DOCK5: variants seen among roughly 807,000 people sequenced by gnomAD.
The protein encoded by DOCK5 is dedicator of cytokinesis 5, also known as dedicator of cytokinesis protein 5.
A neutral mutation model predicts 251.8 loss-of-function variants in DOCK5; 142 were observed. The observed-to-expected ratio is 0.56, with a 90% CI of 0.49 to 0.65. The LOEUF is 0.65. Ranked by LOEUF, DOCK5 falls within the 30% of genes least tolerant of loss-of-function variation. The pLI is 0.00. For synonymous variants in DOCK5, 842 were observed against 835.5 expected (o/e 1.01, Z -0.13); for missense variants, 2,111 against 2,312.3 (o/e 0.91, Z 1.79).
chr8:25,373,965 G>A (rs1490959566), intron 36 of DOCK5, among the ~76,000 whole-genome samples: 1 of 152,174 alleles, frequency 6.6e-6, no homozygotes, highest in Admixed American at 6.5e-5. Flanking sequence ...GTCTTAGCTT[G>A]AAGTCTGCGA....
intron 6 of DOCK5, among the ~76,000 whole-genome samples, chr8:25,295,357 T>A (rs1219060945): frequency 6.6e-6 from 1 of 151,456 alleles, no homozygotes; most frequent in Non-Finnish European, 1.5e-5. Context: ...CAGGGACTGC[T>A]TGAGCCCAGG....
chr8:25,349,245 C>A (rs185923278), intron 26 of DOCK5, among the ~76,000 whole-genome samples: 1 of 152,134 alleles, frequency 6.6e-6, no homozygotes, highest in African/African-American at 2.4e-5. Context: ...AACATTGTTA[C>A]ACTGCTGGGG....
chr8:25,343,441 C>T (rs999235038), intron 25 of DOCK5, among the ~76,000 whole-genome samples: 6 of 152,098 alleles, frequency 3.9e-5, no homozygotes, highest in African/African-American at 1.4e-4. Flanking sequence ...AAAGTCAGCT[C>T]GGTATTTCCA....
At position 25,377,345 on chromosome 8, in the gene DOCK5, A is replaced by C; in HGVS notation, c.3857A>C (p.Asp1286Ala). ...KPCVPHLLQKDSYYVYTQQEL... is the reference protein window; with the variant it reads ...KPCVPHLLQKASYYVYTQQEL... Reference sequence around the variant, plus strand: ...TGTGTGCCTCATTTGCTTCAGAAGGACAGTTACTATGTTTATACCCAGCAA... The same window carrying C: ...TGTGTGCCTCATTTGCTTCAGAAGGCCAGTTACTATGTTTATACCCAGCAA... The change falls in exon 38 of 52, where the codon GAC becomes GCC. Residue 1286 changes from aspartate to alanine, a missense_variant. Coordinates refer to ENST00000276440, the MANE Select transcript of DOCK5 (RefSeq NM_024940.8). The C allele has an allele frequency of 6.2e-7, 1 of 1,613,622 alleles. No individual in the cohort carries two copies. The highest frequency in any genetic ancestry group is 1.1e-5 in the South Asian group (1 of 91,066).
At chr8:25,242,789 C>T (rs1802988571) in intron 1 of DOCK5, among the ~76,000 whole-genome samples, 1 of 152,176 alleles carries the variant, frequency 6.6e-6, no homozygotes. Context: ...AACCCAGTTG[C>T]CCAGGGTGCC....
Position 25,289,262 on chromosome 8 carries a change from G to A in DOCK5, c.322-2762G>A, listed in dbSNP as rs1804421638. Among the ~76,000 whole-genome samples, 3 of 152,140 alleles carry A rather than the reference G, an allele frequency of 2.0e-5. No individual in the cohort carries two copies. In the South Asian group the frequency reaches 6.2e-4, roughly 32 times the overall value. ...ACATCACTAGAGAATATTGTGTGCTGTCAACATCTCTCTCTGTGTGTGCAT... is the reference window on the plus strand; with the variant it reads ...ACATCACTAGAGAATATTGTGTGCTATCAACATCTCTCTCTGTGTGTGCAT... On this transcript the variant is annotated intron_variant, in intron 5 of 51. Coordinates refer to ENST00000276440, the MANE Select transcript of DOCK5 (RefSeq NM_024940.8).
intron 1 of DOCK5, among the ~76,000 whole-genome samples, chr8:25,214,260 G>A (rs1019466332): frequency 2.0e-5 from 3 of 152,140 alleles, no homozygotes; most frequent in Admixed American, 1.3e-4. Flanking sequence ...TTTAGAGAAC[G>A]AATTCTCTGC....
intron 26 of DOCK5, among the ~76,000 whole-genome samples, chr8:25,346,589 G>A (rs1395774430): frequency 1.0e-5 from 1 of 97,734 alleles, no homozygotes; most frequent in East Asian, 3.4e-4. Context: ...ACTTTGGGAG[G>A]CCGAGGTGGA....
chr8:25,374,743 A>T, intron 37 of DOCK5, 89 bp downstream of exon 37: 1 of 1,609,902 alleles, frequency 6.2e-7, no homozygotes, highest in South Asian at 1.1e-5. Flanking sequence ...TTGATGGGAA[A>T]GAACTTTATT....
chr8:25,413,312 G>C lies in DOCK5; in HGVS notation c.*2014G>C, dbSNP rs1214303136. On this transcript the variant is annotated 3_prime_UTR_variant, in exon 52 of 52. Transcript: ENST00000276440. ...TTCCAAGGTAGTTTGGAATGTGAGTGCAAGTTAGTTCTGCACATACAGCCC... is the reference window on the plus strand; with the variant it reads ...TTCCAAGGTAGTTTGGAATGTGAGTCCAAGTTAGTTCTGCACATACAGCCC... 2 of 152,168 alleles carry C rather than the reference G, an allele frequency of 1.3e-5. No individual in the cohort carries two copies. Among genetic ancestry groups the C allele is most frequent in the African/African-American group, 2.4e-5 (1 of 41,440 alleles). The allele number at this position is 152,168 out of a possible 1,614,324, so 9.4% of individuals were successfully genotyped here.
chr8:25,389,116 A>G lies in DOCK5; in HGVS notation c.4157A>G (p.Lys1386Arg). ...LRNKIFIYRG[K>R]EYERREDFSL... ...AATAAAATCTTCATCTATCGGGGAA[A>G]GGAGTATGAGAGGCGAGAGGACTTC... Residue 1386 changes from lysine to arginine, a missense_variant, in exon 41 of 52, where the codon AAG (lysine) becomes AGG (arginine). This residue lies in a region of DOCK5 where 1,717 missense variants were observed against 1,892.4 expected (regional missense o/e 0.91). Transcript: ENST00000276440. The G allele has an allele frequency of 6.2e-7, 1 of 1,613,960 alleles. No individual in the cohort carries two copies. Among genetic ancestry groups the G allele is most frequent in the Non-Finnish European group, 8.5e-7 (1 of 1,179,870 alleles).
At chr8:25,308,730 CAG>C (rs1187940025) in intron 11 of DOCK5, 51 bp from the exon 12 acceptor site, 4 of 1,598,854 alleles carry the variant, frequency 2.5e-6, no homozygotes, top group Non-Finnish European at 2.6e-6. Flanking sequence ...GGTTGTGCTG[CAG>C]AGACTTCCTT....
intron 42 of DOCK5, among the ~76,000 whole-genome samples, chr8:25,391,137 C>T (rs887102364): frequency 6.6e-6 from 1 of 152,010 alleles, no homozygotes; most frequent in Non-Finnish European, 1.5e-5. Context: ...AACTCCTGGG[C>T]TCAAGAGACC....
chr8:25,384,809 T>C (rs1239269021), intron 40 of DOCK5, among the ~76,000 whole-genome samples: 1 of 151,994 alleles, frequency 6.6e-6, no homozygotes, highest in Admixed American at 6.6e-5. Context: ...GGCTCACACC[T>C]GTAATCCCAG....
intron 10 of DOCK5, among the ~76,000 whole-genome samples, chr8:25,302,865 A>G (rs1332847360): frequency 6.6e-6 from 1 of 152,222 alleles, no homozygotes; most frequent in Non-Finnish European, 1.5e-5. Context: ...AGAGTAGTCA[A>G]ATTCTCAGAG....
intron 1 of DOCK5, among the ~76,000 whole-genome samples, chr8:25,223,645 G>T (rs1187787575): frequency 6.6e-6 from 1 of 152,110 alleles, no homozygotes; most frequent in Non-Finnish European, 1.5e-5. Context: ...CACCAACAAT[G>T]GGCATAAAAA....
intron 26 of DOCK5, 85 bp downstream of exon 26, chr8:25,345,696 C>T: frequency 6.4e-7 from 1 of 1,550,796 alleles, no homozygotes; most frequent in Non-Finnish European, 8.8e-7. Context: ...CCTTCCTATT[C>T]TCAGGTAGTT....
At chr8:25,259,755 C>G (rs1217173741) in intron 2 of DOCK5, among the ~76,000 whole-genome samples, 1 of 152,194 alleles carries the variant, frequency 6.6e-6, no homozygotes, top group Non-Finnish European at 1.5e-5. Flanking sequence ...GCCACCGCAC[C>G]TGGCCTCCTT....
At chr8:25,328,733 G>A (rs1805619082) in intron 18 of DOCK5, among the ~76,000 whole-genome samples, 1 of 152,150 alleles carries the variant, frequency 6.6e-6, no homozygotes, top group African/African-American at 2.4e-5. Context: ...AGACCAATTT[G>A]TGTGGGATCA....
Sources: gnomAD v4.1 joint callset for allele counts (sites outside exome capture counted in the v4.1 genomes callset) on GRCh38, gnomAD v4.1.1 for gene constraint, gnomAD v4.1.1 regional missense constraint, MANE v1.5 for transcripts, NCBI Gene and HGNC (gene_info 2026-07-23, HGNC 2026-07-21) for gene names.